ADAMTS13: variants seen among roughly 807,000 people sequenced by gnomAD.
ADAMTS13 encodes ADAM metallopeptidase with thrombospondin type 1 motif 13, also known as A disintegrin and metalloproteinase with thrombospondin motifs 13.
Under a neutral mutation model 155.1 loss-of-function variants are expected in ADAMTS13, and 110 were observed. That is an observed-to-expected ratio of 0.71 (90% CI 0.61 to 0.83). The LOEUF is 0.83. ADAMTS13 is among the 40% of genes least tolerant of loss of function. The pLI, the probability that ADAMTS13 is intolerant of heterozygous loss-of-function variation, is 0.00. For missense variants in ADAMTS13, 1,707 were observed against 1,891.7 expected (o/e 0.90, Z 1.81); for synonymous variants, 758 against 756.4 (o/e 1.00, Z -0.03).
upstream of ADAMTS13, chr9:133,417,806 CG>C: frequency 6.2e-7 from 1 of 1,606,810 alleles, no homozygotes; most frequent in Non-Finnish European, 8.5e-7. Context: ...CGGGGCTGCT[CG>C]GGGCGCGCTT....
intron 21 of ADAMTS13, among the ~76,000 whole-genome samples, chr9:133,447,993 TC>T (rs1169776347): frequency 2.6e-5 from 4 of 151,728 alleles, no homozygotes; most frequent in African/African-American, 4.8e-5. Context: ...GATTTTTTTT[TC>T]TTTTTTTTTT....
chr9:133,423,027 C>T (rs36218243), intron 1 of ADAMTS13, 74 bp from the exon 2 acceptor site: 131 of 1,329,472 alleles, frequency 9.9e-5, no homozygotes, highest in African/African-American at 9.8e-4. Context: ...CCTCCCACCT[C>T]GGTCTCCCCA....
Position 133,445,587 on chromosome 9 carries a change from T to G in ADAMTS13, c.2611-112T>G. The G allele has an allele frequency of 4.5e-6, 7 of 1,549,982 alleles. No individual in the cohort carries two copies. The highest frequency in any genetic ancestry group is 6.2e-6 in the Non-Finnish European group (7 of 1,132,024). On this transcript the variant is annotated intron_variant, in intron 20 of 28. Coordinates refer to ENST00000355699, the MANE Select transcript of ADAMTS13 (RefSeq NM_139027.6). This position sits in a 1 kb window ranked among gnomAD's most constrained non-coding sequence, Gnocchi z 5.0. Reference sequence around the variant, plus strand: ...AGGGAGGAGGGGAGGGAGCCCCTGGTGCACACACGCCACTTCCTGGTCTCT... The same window carrying G: ...AGGGAGGAGGGGAGGGAGCCCCTGGGGCACACACGCCACTTCCTGGTCTCT...
intron 1 of ADAMTS13, chr9:133,414,817 C>A (rs147008170): frequency 1.2e-6 from 2 of 1,614,206 alleles, no homozygotes; most frequent in South Asian, 1.1e-5. Context: ...CTGGCGCCCT[C>A]CTGTCCATCT....
chr9:133,417,693 C>T (rs919229021), upstream of ADAMTS13: 2 of 1,614,038 alleles, frequency 1.2e-6, no homozygotes, highest in African/African-American at 2.7e-5. Context: ...ACCGGGGCCG[C>T]TTGCTGGCTT....
intron 9 of ADAMTS13, 31 bp downstream of exon 9, chr9:133,432,723 T>C: frequency 6.5e-7 from 1 of 1,544,150 alleles, no homozygotes; most frequent in Non-Finnish European, 8.7e-7. Context: ...AGTGGGCTCC[T>C]GTGAGCACGT....
chr9:133,437,162 C>G (rs587771965), intron 12 of ADAMTS13, among the ~76,000 whole-genome samples: 1 of 152,296 alleles, frequency 6.6e-6, no homozygotes, highest in African/African-American at 2.4e-5. Flanking sequence ...TCTCAATTTC[C>G]CATCTGTGAA....
At chr9:133,438,749 A>G (rs1841437529) in intron 14 of ADAMTS13, among the ~76,000 whole-genome samples, 2 of 151,966 alleles carry the variant, frequency 1.3e-5, no homozygotes, top group Admixed American at 6.6e-5. Context: ...CCCCATCTCT[A>G]CTAAAAATAC....
chr9:133,455,598 A>G (rs782783483), intron 25 of ADAMTS13, 163 bp downstream of exon 25: 2 of 1,601,892 alleles, frequency 1.2e-6, no homozygotes, highest in South Asian at 1.1e-5. Flanking sequence ...AACTCAGTGC[A>G]GTCCAGTTAT....
Position 133,425,879 on chromosome 9 carries a change from C to T in ADAMTS13, c.415-59C>T. On this transcript the variant is annotated intron_variant, in intron 4 of 28. Coordinates refer to ENST00000355699, the MANE Select transcript of ADAMTS13 (RefSeq NM_139027.6). This position sits in a 1 kb window ranked among gnomAD's most constrained non-coding sequence, Gnocchi z 4.6. ...GACTAACTGGGAAACAAACCGACCG[C>T]AGTCAGCACCGTGCCTGGTTGGGGT... is the stretch of plus-strand genomic sequence containing the variant. The T allele has an allele frequency of 2.5e-6, 4 of 1,608,460 alleles. No individual in the cohort carries two copies. Among genetic ancestry groups the T allele is most frequent in the Admixed American group, 1.7e-5 (1 of 59,748 alleles).
At chr9:133,438,199 CCAG>C in intron 13 of ADAMTS13, 44 bp from the exon 14 acceptor site, 1 of 1,613,870 alleles carries the variant, frequency 6.2e-7, no homozygotes, top group Non-Finnish European at 8.5e-7. Context: ...GTCATTGAGG[CCAG>C]CACCCTCCAG....
chr9:133,448,865 G>C (rs919479053), intron 22 of ADAMTS13, 137 bp downstream of exon 22: 342 of 1,372,060 alleles, frequency 2.5e-4, no homozygotes, highest in Non-Finnish European at 3.3e-4. Flanking sequence ...GACCATGGCC[G>C]CCCCATCCCC....
chr9:133,453,391 G>A (rs897520995), intron 23 of ADAMTS13, among the ~76,000 whole-genome samples: 1 of 152,112 alleles, frequency 6.6e-6, no homozygotes, highest in African/African-American at 2.4e-5. Context: ...AGCTGAGATT[G>A]TGCTACTGCA....
At position 133,455,322 on chromosome 9, in the gene ADAMTS13, G is replaced by T. The variant is rs61751476; in HGVS notation, c.3287G>T (p.Arg1096Leu). ...TGTGGGGATGGCATCCAGCGCCGGC[G>T]TGACACCTGCCTCGGACCCCAGGCC... is the stretch of plus-strand genomic sequence containing the variant. ...VSCGDGIQRR[R>L]DTCLGPQAQA... The change falls in exon 25 of 29, where the codon CGT becomes CTT. Residue 1096 changes from arginine (R) to leucine (L), a missense_variant. Around this residue, in one of 3 missense-constraint regions of ADAMTS13, gnomAD observed 961 missense variants for 1,107.9 expected, o/e 0.87. Transcript: ENST00000355699. The T allele has an allele frequency of 4.4e-6, 7 of 1,606,946 alleles. No individual in the cohort carries two copies. In the African/African-American group the frequency reaches 9.3e-5, roughly 21 times the overall value.
Position 133,445,068 on chromosome 9 carries a change from A to G in ADAMTS13, c.2610+16A>G, listed in dbSNP as rs781873472. The stretch of plus-strand genomic sequence containing the variant: ...CTGGGGCCATGTGAGTGCCCTGGGC[A>G]TGAGGGTGGCTGGGGCTGTTGAGTC... On this transcript the variant is annotated intron_variant, in intron 20 of 28. Coordinates refer to ENST00000355699, the MANE Select transcript of ADAMTS13 (RefSeq NM_139027.6). This position sits in a 1 kb window ranked among gnomAD's most constrained non-coding sequence, Gnocchi z 5.0. The G allele has an allele frequency of 1.5e-5, 24 of 1,610,770 alleles. No individual in the cohort carries two copies. Among genetic ancestry groups the G allele is most frequent in the Non-Finnish European group, 1.8e-5 (21 of 1,179,428 alleles).
intron 5 of ADAMTS13, 48 bp downstream of exon 5, chr9:133,426,110 G>A: frequency 6.2e-7 from 1 of 1,613,892 alleles, no homozygotes. Context: ...TGGGAAGGCT[G>A]CTCCCTCAGC....
chr9:133,458,555 C>CAAAAAAAAAA (rs10699153), intron 28 of ADAMTS13, among the ~76,000 whole-genome samples: 601 of 56,082 alleles, frequency 0.011, 59 homozygotes, highest in African/African-American at 0.016. Flanking sequence ...GACTCTGTCT[C>CAAAAAAAAAA]AAAAAAAAAA....
In ADAMTS13 at chr9:133,454,543, T is replaced by C; in HGVS notation, c.3173T>C (p.Leu1058Pro). ...VEVDEAACAA[L>P]VRPEASVPCL... ...GTGGACGAGGCGGCCTGTGCGGCGC[T>C]GGTGCGGCCCGAGGCCAGTGTCCCC... The change falls in exon 24 of 29, where the codon CTG (leucine) becomes CCG (proline). Residue 1058 changes from leucine (L) to proline (P), a missense_variant. Transcript: ENST00000355699. 1 of 1,609,554 alleles carries C rather than the reference T, an allele frequency of 6.2e-7. No individual in the cohort carries two copies. Among genetic ancestry groups the C allele is most frequent in the Non-Finnish European group, 8.5e-7 (1 of 1,179,916 alleles).
upstream of ADAMTS13, among the ~76,000 whole-genome samples, chr9:133,421,628 T>C (rs897769844): frequency 1.3e-5 from 2 of 152,046 alleles, no homozygotes; most frequent in South Asian, 2.1e-4. Flanking sequence ...CAGTGAAACA[T>C]TTGTTGGCTG....
Sources: allele counts gnomAD v4.1 joint callset (sites outside exome capture counted in the v4.1 genomes callset), GRCh38; gene constraint gnomAD v4.1.1; regional missense constraint gnomAD v4.1.1; non-coding constraint Gnocchi (gnomAD v3.1); transcripts MANE v1.5; gene names NCBI Gene and HGNC (gene_info 2026-07-23, HGNC 2026-07-21).